Variants in MSI2 observed in about 807,000 individuals in gnomAD.
MSI2 encodes RNA-binding protein Musashi homolog 2.
In MSI2, 17 loss-of-function variants were observed where a neutral mutation model predicts 45.6. That is an observed-to-expected ratio of 0.37 (90% CI 0.26 to 0.56). MSI2 has a LOEUF of 0.56. MSI2 is among the 20% of genes least tolerant of loss of function. The pLI is 0.77. For synonymous variants in MSI2, 156 were observed against 158.2 expected (o/e 0.99, Z 0.11); for missense variants, 293 against 444.2 (o/e 0.66, Z 3.06).
At chr17:57,277,043 G>GTTTTC (rs1218866774) in intron 5 of MSI2, among the ~76,000 whole-genome samples, 62 of 144,814 alleles carry the variant, frequency 4.3e-4, no homozygotes, top group East Asian at 1.2e-3. Flanking sequence ...GTTTGGGTTG[G>GTTTTC]TTTTCTTTTC....
chr17:57,351,488 G>C (rs1916027412), intron 5 of MSI2, among the ~76,000 whole-genome samples: 1 of 152,172 alleles, frequency 6.6e-6, no homozygotes, highest in Non-Finnish European at 1.5e-5. Flanking sequence ...CCACTTAGAA[G>C]GGTGCTGCTC....
At chr17:57,641,030 A>G (rs1403083512) in intron 10 of MSI2, among the ~76,000 whole-genome samples, 1 of 152,186 alleles carries the variant, frequency 6.6e-6, no homozygotes, top group Non-Finnish European at 1.5e-5. Flanking sequence ...GTATTTCTAT[A>G]CTAGCTGGTA....
At chr17:57,587,773 A>G (rs1035979722) in intron 7 of MSI2, among the ~76,000 whole-genome samples, 3 of 152,212 alleles carry the variant, frequency 2.0e-5, no homozygotes, top group Admixed American at 1.3e-4. Context: ...AGTTGAGAAA[A>G]TAAATTAAAC....
rs567956888 is a variant in MSI2, at chr17:57,652,289, G to T, written c.790+128G>T. On this transcript the variant is annotated intron_variant, in intron 11 of 13. Coordinates refer to ENST00000284073, the MANE Select transcript of MSI2 (RefSeq NM_138962.4). The surrounding 1 kb of genome is among the most constrained non-coding windows in gnomAD (Gnocchi z 4.1). The stretch of plus-strand genomic sequence containing the variant: ...CTCTCACCACAGCCCCGGGGAGGGG[G>T]TGGACGGGGAGGGGGTGGACCGGGA... 5.6e-5 allele frequency: 56 copies of T among 993,830 alleles called. No homozygotes were observed. The African/African-American group carries it at 8.3e-4, about 15-fold the overall frequency. 61.6% of individuals were successfully genotyped at this position (993,830 alleles called of 1,614,324 possible). A position where few individuals can be genotyped will look rare whatever the true frequency, so the allele number is the denominator to read the frequency against.
chr17:57,557,903 A>G (rs1292293773), intron 7 of MSI2, among the ~76,000 whole-genome samples: 1 of 152,258 alleles, frequency 6.6e-6, no homozygotes, highest in East Asian at 1.9e-4. Flanking sequence ...GCGAATTGTC[A>G]GCATTCCAGA....
the MSI2 span, among the ~76,000 whole-genome samples, chr17:57,691,868 G>T: frequency 6.6e-6 from 1 of 152,140 alleles, no homozygotes; most frequent in African/African-American, 2.4e-5. Context: ...CTAGTACAAT[G>T]TTGAACAAGA....
intron 6 of MSI2, among the ~76,000 whole-genome samples, chr17:57,471,111 C>T (rs2085427091): frequency 1.3e-5 from 2 of 151,998 alleles, no homozygotes; most frequent in Non-Finnish European, 2.9e-5. Context: ...TGGTGGCTGC[C>T]CACCTCACAC....
At chr17:57,586,759 TC>T (rs1357629768) in intron 7 of MSI2, among the ~76,000 whole-genome samples, 1 of 151,600 alleles carries the variant, frequency 6.6e-6, no homozygotes, top group East Asian at 1.9e-4. Flanking sequence ...ATACCTGTGA[TC>T]CCACCCCTTG....
At chr17:57,312,903 G>C (rs1912516518) in intron 5 of MSI2, among the ~76,000 whole-genome samples, 1 of 152,186 alleles carries the variant, frequency 6.6e-6, no homozygotes, top group African/African-American at 2.4e-5. Flanking sequence ...CTGGAGTGCA[G>C]TGGTGCTATC....
intron 7 of MSI2, among the ~76,000 whole-genome samples, chr17:57,560,796 G>A (rs1334278815): frequency 6.6e-6 from 1 of 152,226 alleles, no homozygotes; most frequent in African/African-American, 2.4e-5. Context: ...TAAAGGCGGT[G>A]GTTGCCACCA....
intron 10 of MSI2, among the ~76,000 whole-genome samples, chr17:57,644,355 C>T (rs911717731): frequency 1.3e-5 from 2 of 151,902 alleles, no homozygotes; most frequent in African/African-American, 4.8e-5. Flanking sequence ...TCCCTTGGTC[C>T]TCCCACTCCA....
chr17:57,307,678 G>A (rs1261614767), intron 5 of MSI2, among the ~76,000 whole-genome samples: 22 of 151,422 alleles, frequency 1.5e-4, no homozygotes, highest in African/African-American at 5.3e-4. Flanking sequence ...ACTTGCCTTG[G>A]CCTCCCATCC....
chr17:57,500,461 T>TG lies in MSI2; in HGVS notation c.406-29211dup, dbSNP rs532209387. ...TGGGTGCAGGGAGGGAAGAGCCAGG[T>TG]GGGGTGGGCTAGCAAGAGGAGGAGC... On this transcript the variant is annotated intron_variant, in intron 6 of 13. Transcript: ENST00000284073. Among the ~76,000 whole-genome samples, 731 of 141,198 alleles carry TG rather than the reference T, an allele frequency of 5.2e-3. 8 individuals are homozygous for TG. Among genetic ancestry groups the TG allele is most frequent in the African/African-American group, 0.018 (699 of 37,786 alleles). 92.6% of individuals were successfully genotyped at this position (141,198 alleles called of 152,430 possible). A position where few individuals can be genotyped will look rare whatever the true frequency, so the allele number is the denominator to read the frequency against.
At chr17:57,257,227 C>G (rs1250054718) in intron 2 of MSI2, 89 bp downstream of exon 2, 7 of 481,216 alleles carry the variant, frequency 1.5e-5, no homozygotes, top group Admixed American at 4.9e-5. Context: ...CCCCCCCCCC[C>G]CCGCCATTGG....
chr17:57,622,068 G>A (rs888759272), intron 9 of MSI2, among the ~76,000 whole-genome samples: 1 of 152,172 alleles, frequency 6.6e-6, no homozygotes, highest in Non-Finnish European at 1.5e-5. Context: ...ACATGGTGGC[G>A]CATGCCTGTA....
At chr17:57,375,809 A>G (rs927663986) in intron 5 of MSI2, among the ~76,000 whole-genome samples, 8 of 152,126 alleles carry the variant, frequency 5.3e-5, no homozygotes, top group African/African-American at 1.9e-4. Flanking sequence ...AAGGATGACG[A>G]GACTCCCCTG....
At chr17:57,287,128 G>GTTT (rs146627218) in intron 5 of MSI2, among the ~76,000 whole-genome samples, 10 of 147,338 alleles carry the variant, frequency 6.8e-5, no homozygotes, top group Non-Finnish European at 1.0e-4. Context: ...GTCTCAAAAA[G>GTTT]TTGTTTTTTT....
At chr17:57,595,797 T>G (rs1905202698) in intron 7 of MSI2, among the ~76,000 whole-genome samples, 1 of 152,232 alleles carries the variant, frequency 6.6e-6, no homozygotes, top group South Asian at 2.1e-4. Context: ...GAATCCTGAT[T>G]TGGGCTGTGA....
At position 57,627,980 on chromosome 17, in the gene MSI2, A is replaced by T. The variant is rs1339154617; in HGVS notation, c.727+677A>T. The stretch of plus-strand genomic sequence containing the variant: ...GCCTGGGACCTCACCTGGGAGAAGC[A>T]GCGAGGGGAAACATGGTCTTGTAGG... On this transcript the variant is annotated intron_variant, in intron 10 of 13. Transcript: ENST00000284073. The surrounding 1 kb of genome is among the most constrained non-coding windows in gnomAD (Gnocchi z 4.6). The T allele has an allele frequency of 6.5e-6, 1 of 153,230 alleles. No homozygotes were observed. The highest frequency in any genetic ancestry group is 6.5e-5 in the Admixed American group (1 of 15,412). 9.5% of individuals were successfully genotyped at this position (153,230 alleles called of 1,614,324 possible).
Sources: gnomAD v4.1 joint callset for allele counts (sites outside exome capture counted in the v4.1 genomes callset) on GRCh38, gnomAD v4.1.1 for gene constraint, Gnocchi (gnomAD v3.1) non-coding constraint, MANE v1.5 for transcripts, NCBI Gene and HGNC (gene_info 2026-07-23, HGNC 2026-07-21) for gene names.